Variants in ATP6V1E2 observed in about 807,000 individuals in gnomAD.
ATP6V1E2 encodes ATPase H+ transporting V1 subunit E2.
For synonymous variants in ATP6V1E2, 121 were observed against 104.2 expected (o/e 1.16, Z -0.98); for missense variants, 308 against 273.3 (o/e 1.13, Z -0.90).
chr2:46,521,481 A>T (rs1666622498), intron 4 of ATP6V1E2, among the ~76,000 whole-genome samples: 1 of 152,148 alleles, frequency 6.6e-6, no homozygotes, highest in South Asian at 2.1e-4. Context: ...CCTAGCCAAA[A>T]GGGAAGCAGG....
intron 4 of ATP6V1E2, among the ~76,000 whole-genome samples, chr2:46,533,341 T>C (rs1667283789): frequency 6.6e-6 from 1 of 152,120 alleles, no homozygotes; most frequent in Non-Finnish European, 1.5e-5. Context: ...TGGCATGATC[T>C]CAGCTCATGC....
intron 4 of ATP6V1E2, chr2:46,528,125 A>T (rs1667013877): frequency 6.6e-6 from 1 of 152,262 alleles, no homozygotes; most frequent in Non-Finnish European, 1.5e-5. Context: ...GTATTGTTAT[A>T]TCAAACCTTT....
intron 4 of ATP6V1E2, among the ~76,000 whole-genome samples, chr2:46,522,491 G>A (rs775507623): frequency 6.6e-6 from 1 of 151,978 alleles, no homozygotes; most frequent in African/African-American, 2.4e-5. Context: ...AACATGCAGT[G>A]TTTGGTTTTC....
intron 4 of ATP6V1E2, among the ~76,000 whole-genome samples, chr2:46,518,101 CAAGCT>C (rs1434515746): frequency 1.3e-5 from 2 of 152,302 alleles, no homozygotes; most frequent in East Asian, 3.9e-4. Flanking sequence ...AAACAATCTA[CAAGCT>C]TACTGATGGA....
At chr2:46,539,451 G>T (rs1667608837) in intron 2 of ATP6V1E2, among the ~76,000 whole-genome samples, 2 of 152,212 alleles carry the variant, frequency 1.3e-5, no homozygotes, top group South Asian at 4.1e-4. Context: ...TGCCCTTCTT[G>T]CAATGAACGC....
In ATP6V1E2 at chr2:46,512,787, G is replaced by T; in HGVS notation, c.-76C>A. 1 of 1,313,102 alleles carries T rather than the reference G, an allele frequency of 7.6e-7. No homozygotes were observed. The highest frequency in any genetic ancestry group is 1.0e-6 in the Non-Finnish European group (1 of 965,058). 81.3% of individuals were successfully genotyped at this position (1,313,102 alleles called of 1,614,324 possible). A position where few individuals can be genotyped will look rare whatever the true frequency, so the allele number is the denominator to read the frequency against. The stretch of plus-strand genomic sequence containing the variant: ...CCTTTGACTTAGGACAATTTCAGGA[G>T]TGTCTCTGGAGTTCCACTTTCTCAG... On this transcript the variant is annotated 5_prime_UTR_variant, in exon 5 of 5. Transcript: ENST00000522587.
At chr2:46,526,279 C>G (rs1208627315) in intron 4 of ATP6V1E2, among the ~76,000 whole-genome samples, 1 of 152,008 alleles carries the variant, frequency 6.6e-6, no homozygotes, top group Non-Finnish European at 1.5e-5. Context: ...CCATGCCTGG[C>G]TAATTATGTA....
At chr2:46,540,923 C>T (rs1027581576) in intron 2 of ATP6V1E2, among the ~76,000 whole-genome samples, 2 of 152,212 alleles carry the variant, frequency 1.3e-5, no homozygotes, top group African/African-American at 4.8e-5. Flanking sequence ...AATGCTATGA[C>T]ATTCCCAGAG....
In ATP6V1E2 at chr2:46,512,737, G is replaced by C; in HGVS notation, c.-26C>G. On this transcript the variant is annotated 5_prime_UTR_variant, in exon 5 of 5. Coordinates refer to ENST00000522587, the MANE Select transcript of ATP6V1E2 (RefSeq NM_001318063.2). ...GGCTGCTCTCAGAGGGGACGGCAGAGAGGGAGCTCGTACACCGTTTGGCTC... is the reference window on the plus strand; with the variant it reads ...GGCTGCTCTCAGAGGGGACGGCAGACAGGGAGCTCGTACACCGTTTGGCTC... The C allele has an allele frequency of 6.3e-7, 1 of 1,584,248 alleles. No individual in the cohort carries two copies. The highest frequency in any genetic ancestry group is 8.6e-7 in the Non-Finnish European group (1 of 1,167,580).
Position 46,522,032 on chromosome 2 carries a change from T to C in ATP6V1E2, c.-101-9220A>G, listed in dbSNP as rs552440084. On this transcript the variant is annotated intron_variant, in intron 4 of 4. Coordinates refer to ENST00000522587, the MANE Select transcript of ATP6V1E2 (RefSeq NM_001318063.2). ...TTTTTTGGCTGGGTGAGGTGGCTTA[T>C]GCCTGTAATCCCAACATTTTGGGAG... Among the ~76,000 whole-genome samples the C allele has an allele frequency of 2.2e-4, 33 of 152,272 alleles. 1 individual carries two copies. The South Asian group carries it at 6.2e-3, about 29-fold the overall frequency.
At chr2:46,524,777 T>A (rs932511746) in intron 4 of ATP6V1E2, among the ~76,000 whole-genome samples, 1 of 151,888 alleles carries the variant, frequency 6.6e-6, no homozygotes, top group African/African-American at 2.4e-5. Flanking sequence ...TGGAAAGGGG[T>A]CTGAGGTCTG....
rs993350157 is a variant in ATP6V1E2, at chr2:46,522,012, T to C, written c.-101-9200A>G. On this transcript the variant is annotated intron_variant, in intron 4 of 4. Coordinates refer to ENST00000522587, the MANE Select transcript of ATP6V1E2 (RefSeq NM_001318063.2). ...GCCCTGTCTTTCAAAAAGTATTTTT[T>C]GGCTGGGTGAGGTGGCTTATGCCTG... 7.2e-5 allele frequency among the ~76,000 whole-genome samples: 11 copies of C among 152,270 alleles called. No individual in the cohort carries two copies. The South Asian group carries it at 2.1e-3, about 29-fold the overall frequency.
chr2:46,536,787 C>CTTTTTTTTTTTTTTTTTTT (rs779277750), intron 2 of ATP6V1E2, 84 bp from the exon 3 acceptor site: 2 of 144,890 alleles, frequency 1.4e-5, no homozygotes, highest in African/African-American at 5.0e-5. Flanking sequence ...TCCTAAACTT[C>CTTTTTTTTTTTTTTTTTTT]TTTTTTTTTT....
intron 4 of ATP6V1E2, among the ~76,000 whole-genome samples, chr2:46,522,926 T>C (rs6741555): frequency 0.071 from 10,768 of 152,270 alleles, 1,084 homozygotes; most frequent in African/African-American, 0.23. Context: ...TTTTTAATAA[T>C]TGCGATTCTG....
At chr2:46,539,385 AC>A (rs1667605169) in intron 2 of ATP6V1E2, among the ~76,000 whole-genome samples, 1 of 152,210 alleles carries the variant, frequency 6.6e-6, no homozygotes, top group African/African-American at 2.4e-5. Flanking sequence ...GAGTGGATGC[AC>A]CCCTATGGGC....
intron 4 of ATP6V1E2, among the ~76,000 whole-genome samples, chr2:46,526,495 G>C (rs983816407): frequency 6.6e-6 from 1 of 151,990 alleles, no homozygotes; most frequent in African/African-American, 2.4e-5. Context: ...GAACTTTTTC[G>C]TCTTCCCAAA....
chr2:46,529,436 C>T (rs1667076095), intron 4 of ATP6V1E2, among the ~76,000 whole-genome samples: 1 of 152,222 alleles, frequency 6.6e-6, no homozygotes, highest in African/African-American at 2.4e-5. Flanking sequence ...ACCCTGCCCA[C>T]AGAGTCTAGT....
intron 4 of ATP6V1E2, among the ~76,000 whole-genome samples, chr2:46,524,683 G>A (rs1483872097): frequency 3.9e-5 from 6 of 152,200 alleles, no homozygotes; most frequent in Admixed American, 3.3e-4. Flanking sequence ...AGTAAGGATG[G>A]GCGCTGAGAG....
At chr2:46,536,492 C>G (rs764932983) in intron 3 of ATP6V1E2, 119 bp downstream of exon 3, 1 of 152,472 alleles carries the variant, frequency 6.6e-6, no homozygotes, top group Admixed American at 6.5e-5. Context: ...GGCCAACAGG[C>G]ACCCTGGGGA....
Sources: allele counts gnomAD v4.1 joint callset (sites outside exome capture counted in the v4.1 genomes callset), GRCh38; gene constraint gnomAD v4.1.1; transcripts MANE v1.5; gene names NCBI Gene and HGNC (gene_info 2026-07-23, HGNC 2026-07-21).